PTPN21: variants seen among roughly 807,000 people sequenced by gnomAD.
PTPN21 encodes tyrosine-protein phosphatase non-receptor type 21.
Under a neutral mutation model 131.8 loss-of-function variants are expected in PTPN21, and 77 were observed. That is an observed-to-expected ratio of 0.58 (90% confidence interval 0.49 to 0.71). The LOEUF is 0.71. PTPN21 is among the 30% of genes least tolerant of loss of function. PTPN21 has a pLI of 0.00. For missense variants in PTPN21, 1,552 were observed against 1,527.1 expected (o/e 1.02, Z -0.27); for synonymous variants, 715 against 621.3 (o/e 1.15, Z -2.24).
intron 2 of PTPN21, among the ~76,000 whole-genome samples, chr14:88,526,602 A>T (rs961471724): frequency 6.7e-6 from 1 of 149,432 alleles, no homozygotes; most frequent in Non-Finnish European, 1.5e-5. Flanking sequence ...TGTGAATTTC[A>T]TCTCAGTAAA....
At chr14:88,480,381 T>G in intron 12 of PTPN21, 29 bp from the exon 13 acceptor site, 2 of 1,528,122 alleles carry the variant, frequency 1.3e-6, no homozygotes, top group Non-Finnish European at 1.8e-6. Context: ...AAATGAGATT[T>G]TTTTAAATGG....
At chr14:88,485,207 T>A in intron 11 of PTPN21, 47 bp from the exon 12 acceptor site, 1 of 1,188,542 alleles carries the variant, frequency 8.4e-7, no homozygotes, top group Non-Finnish European at 1.2e-6. Flanking sequence ...ATTGCTTATG[T>A]AATACAGGTA....
At chr14:88,494,169 T>A (rs2077867862) in intron 10 of PTPN21, among the ~76,000 whole-genome samples, 1 of 152,110 alleles carries the variant, frequency 6.6e-6, no homozygotes, top group African/African-American at 2.4e-5. Context: ...AAGAGGGTCA[T>A]ATCTGACCAG....
intron 10 of PTPN21, among the ~76,000 whole-genome samples, chr14:88,495,338 A>G (rs2077894391): frequency 6.6e-6 from 1 of 152,166 alleles, no homozygotes; most frequent in Non-Finnish European, 1.5e-5. Context: ...TAAGCACACT[A>G]AATGCTTGCG....
In PTPN21 at chr14:88,497,190, A is replaced by C. The variant is rs769287559; in HGVS notation, c.852+13T>G. 1 of 1,575,110 alleles carries C rather than the reference A, an allele frequency of 6.3e-7. No homozygotes were observed. Among genetic ancestry groups the C allele is most frequent in the South Asian group, 1.1e-5 (1 of 90,184 alleles). ...GGAAAAACATTCCATGCAGACCCCT[A>C]ATGTTTACTCACAGTTTGAAATTGA... On this transcript the variant is annotated intron_variant, in intron 9 of 18. Transcript: ENST00000556564.
At chr14:88,542,921 G>A (rs988931276) in intron 2 of PTPN21, among the ~76,000 whole-genome samples, 2 of 152,102 alleles carry the variant, frequency 1.3e-5, no homozygotes, top group East Asian at 1.9e-4. Context: ...GTTTTATAAC[G>A]TACATACCTA....
In PTPN21 at chr14:88,511,224, G is replaced by A. The variant is rs559280626; in HGVS notation, c.351-3204C>T. ...AGCTACCACACCCAGCCATAAATAC[G>A]TTTTTCTTAAAGAAGTATTTACTGT... On this transcript the variant is annotated intron_variant, in intron 3 of 18. Coordinates refer to ENST00000556564, the MANE Select transcript of PTPN21 (RefSeq NM_007039.4). Among the ~76,000 whole-genome samples the A allele has an allele frequency of 1.8e-4, 27 of 151,940 alleles. 1 individual carries two copies. Among genetic ancestry groups the A allele is most frequent in the Admixed American group, 6.6e-4 (10 of 15,246 alleles).
chr14:88,524,274 G>A lies in PTPN21; in HGVS notation c.181-7013C>T, dbSNP rs930312438. On this transcript the variant is annotated intron_variant, in intron 2 of 18. Coordinates refer to ENST00000556564, the MANE Select transcript of PTPN21 (RefSeq NM_007039.4). ...AAACTGTGTGGTACTGGCATAAGGA[G>A]AGACATATAGACAAATAGAATAGAG... 2.6e-5 allele frequency among the ~76,000 whole-genome samples: 4 copies of A among 152,134 alleles called. No individual in the cohort carries two copies. In the East Asian group the frequency reaches 5.8e-4, roughly 22 times the overall value.
chr14:88,533,693 G>A (rs1436219094), intron 2 of PTPN21, among the ~76,000 whole-genome samples: 1 of 151,954 alleles, frequency 6.6e-6, no homozygotes, highest in Non-Finnish European at 1.5e-5. Flanking sequence ...GAACAGCCTG[G>A]GCAACATAGT....
At chr14:88,537,937 T>C (rs534761838) in intron 2 of PTPN21, among the ~76,000 whole-genome samples, 1 of 152,326 alleles carries the variant, frequency 6.6e-6, no homozygotes, top group Non-Finnish European at 1.5e-5. Flanking sequence ...TCTACACTTA[T>C]GTAAACATAG....
At chr14:88,496,262 A>G in intron 10 of PTPN21, 151 bp downstream of exon 10, 1 of 628,156 alleles carries the variant, frequency 1.6e-6, no homozygotes, top group Non-Finnish European at 2.8e-6. Flanking sequence ...TAGTTATTAC[A>G]AGTTGGTCCA....
chr14:88,530,516 C>T (rs186347578), intron 2 of PTPN21, among the ~76,000 whole-genome samples: 1 of 135,264 alleles, frequency 7.4e-6, no homozygotes, highest in African/African-American at 2.5e-5. Context: ...AATCCACCAA[C>T]CAAGTATCTG....
At chr14:88,476,582 G>A (rs1350412050) in intron 13 of PTPN21, among the ~76,000 whole-genome samples, 1 of 152,172 alleles carries the variant, frequency 6.6e-6, no homozygotes, top group Non-Finnish European at 1.5e-5. Context: ...GGGACATAAT[G>A]CCACGAAGCA....
intron 10 of PTPN21, among the ~76,000 whole-genome samples, chr14:88,487,335 T>C (rs1233742735): frequency 6.6e-6 from 1 of 152,160 alleles, no homozygotes; most frequent in East Asian, 1.9e-4. Flanking sequence ...TACAAAAATA[T>C]TTTGTGACCT....
At chr14:88,498,016 G>A (rs1369386881) in intron 8 of PTPN21, among the ~76,000 whole-genome samples, 3 of 151,746 alleles carry the variant, frequency 2.0e-5, no homozygotes, top group South Asian at 2.1e-4. Flanking sequence ...CAGGAGAATC[G>A]CTTGAACCCA....
intron 2 of PTPN21, among the ~76,000 whole-genome samples, chr14:88,534,747 G>A (rs749121628): frequency 1.3e-5 from 2 of 151,878 alleles, no homozygotes; most frequent in African/African-American, 4.8e-5. Context: ...GGTGGTGCAC[G>A]CCTATAATTC....
Position 88,485,795 on chromosome 14 carries a change from G to C in PTPN21, c.980C>G (p.Ser327Ter). 6.2e-7 allele frequency: 1 copy of C among 1,606,904 alleles called. No homozygotes were observed. The highest frequency in any genetic ancestry group is 8.5e-7 in the Non-Finnish European group (1 of 1,174,056). Residue 327 changes from serine to a stop codon, truncating the protein, a stop_gained, in exon 11 of 19, where the codon TCA becomes TGA. Transcript: ENST00000556564. LOFTEE classifies it high-confidence loss of function. ...CTTGTTTCTTACCAGAGACATCCTTGAAGAAGACCTCCTCCTGATTGGGTT... is the reference window on the plus strand; with the variant it reads ...CTTGTTTCTTACCAGAGACATCCTTCAAGAAGACCTCCTCCTGATTGGGTT... ...TVNPIRRRSS[S>*]RMSLPKPQPY...
intron 6 of PTPN21, among the ~76,000 whole-genome samples, chr14:88,501,590 A>C (rs570902693): frequency 6.6e-6 from 1 of 152,318 alleles, no homozygotes; most frequent in African/African-American, 2.4e-5. Flanking sequence ...TACTTAAGGC[A>C]GATGAGTGGG....
At chr14:88,495,137 G>T (rs1205575609) in intron 10 of PTPN21, among the ~76,000 whole-genome samples, 1 of 151,412 alleles carries the variant, frequency 6.6e-6, no homozygotes, top group Non-Finnish European at 1.5e-5. Context: ...ACAGAAACAG[G>T]AAAGTCAGAA....
Sources: allele counts gnomAD v4.1 joint callset (sites outside exome capture counted in the v4.1 genomes callset), GRCh38; gene constraint gnomAD v4.1.1; transcripts MANE v1.5; gene names NCBI Gene and HGNC (gene_info 2026-07-23, HGNC 2026-07-21).